Variants in NRXN1 observed in about 807,000 individuals in gnomAD.
The protein encoded by NRXN1 is neurexin-1.
In NRXN1, 39 loss-of-function variants were observed where a neutral mutation model predicts 150.9. The ratio of observed to expected loss-of-function variants is 0.26; its 90% CI spans 0.20 to 0.34. NRXN1 has a LOEUF of 0.34. Ranked by LOEUF, NRXN1 falls within the 10% of genes least tolerant of loss-of-function variation. The pLI, the probability that NRXN1 is intolerant of heterozygous loss-of-function variation, is 1.00. For missense variants in NRXN1, 1,815 were observed against 1,949.9 expected (o/e 0.93, Z 1.30); for synonymous variants, 924 against 757.0 (o/e 1.22, Z -3.62).
intron 8 of NRXN1, among the ~76,000 whole-genome samples, chr2:50,607,046 G>C (rs531584589): frequency 5.1e-4 from 78 of 152,196 alleles, no homozygotes; most frequent in Middle Eastern, 6.8e-3. Flanking sequence ...GCCTAATTTA[G>C]TTTGAATATA....
chr2:50,992,838 G>C (rs1698737655), intron 2 of NRXN1, among the ~76,000 whole-genome samples: 1 of 151,906 alleles, frequency 6.6e-6, no homozygotes, highest in African/African-American at 2.4e-5. Flanking sequence ...ATGGATTATT[G>C]GTAGAGACTG....
chr2:50,682,169 T>C (rs1253421637), intron 5 of NRXN1, among the ~76,000 whole-genome samples: 1 of 152,202 alleles, frequency 6.6e-6, no homozygotes, highest in Admixed American at 6.5e-5. Context: ...TCATCTTCTA[T>C]GTCCTAAAAC....
chr2:50,420,598 T>A (rs372128702), intron 17 of NRXN1, among the ~76,000 whole-genome samples: 55 of 152,136 alleles, frequency 3.6e-4, no homozygotes, highest in East Asian at 2.9e-3. Context: ...CATCATCAAT[T>A]TTGTGTTTAA....
At chr2:50,067,620 A>C (rs2152659356) in intron 19 of NRXN1, among the ~76,000 whole-genome samples, 1 of 152,342 alleles carries the variant, frequency 6.6e-6, no homozygotes, top group South Asian at 2.1e-4. Flanking sequence ...TGCATACTAA[A>C]GAGTTATTTT....
chr2:50,894,356 G>C (rs1334599629), intron 5 of NRXN1, among the ~76,000 whole-genome samples: 1 of 149,194 alleles, frequency 6.7e-6, no homozygotes, highest in African/African-American at 2.4e-5. Flanking sequence ...CTCATTCTCA[G>C]AATAAAATTA....
chr2:50,066,855 T>C (rs868359428), intron 19 of NRXN1, among the ~76,000 whole-genome samples: 3 of 152,222 alleles, frequency 2.0e-5, no homozygotes, highest in South Asian at 2.1e-4. Flanking sequence ...TTATTGATAC[T>C]GCATGTATGC....
intron 8 of NRXN1, among the ~76,000 whole-genome samples, chr2:50,562,311 A>G (rs925405612): frequency 6.8e-6 from 1 of 146,172 alleles, no homozygotes; most frequent in Non-Finnish European, 1.5e-5. Flanking sequence ...TAGATTAGAC[A>G]AATATATGAT....
intron 2 of NRXN1, among the ~76,000 whole-genome samples, chr2:50,939,957 T>C (rs560068106): frequency 4.3e-4 from 66 of 152,244 alleles, no homozygotes; most frequent in Non-Finnish European, 6.2e-4. Flanking sequence ...GAACCACCCA[T>C]TGCATTTAGA....
At chr2:50,182,704 A>G (rs1326230003) in intron 18 of NRXN1, among the ~76,000 whole-genome samples, 2 of 152,098 alleles carry the variant, frequency 1.3e-5, no homozygotes, top group African/African-American at 4.8e-5. Flanking sequence ...AATCATGAAT[A>G]TTATACAGGG....
intron 8 of NRXN1, among the ~76,000 whole-genome samples, chr2:50,571,983 T>C (rs1670735861): frequency 6.6e-6 from 1 of 152,104 alleles, no homozygotes; most frequent in South Asian, 2.1e-4. Context: ...TTTGGCAGGG[T>C]ACTCTATCAG....
intron 19 of NRXN1, among the ~76,000 whole-genome samples, chr2:50,088,297 C>T (rs868714547): frequency 6.6e-6 from 1 of 152,220 alleles, no homozygotes; most frequent in South Asian, 2.1e-4. Context: ...ATTTTCATGG[C>T]TTATTTCCTA....
At chr2:50,644,971 T>A (rs1051336203) in intron 5 of NRXN1, among the ~76,000 whole-genome samples, 2 of 151,520 alleles carry the variant, frequency 1.3e-5, no homozygotes, top group Admixed American at 1.3e-4. Flanking sequence ...ATGTTCTGCT[T>A]CTCTTCAGTT....
intron 5 of NRXN1, among the ~76,000 whole-genome samples, chr2:50,876,312 A>G (rs763605664): frequency 2.0e-5 from 3 of 151,704 alleles, no homozygotes; most frequent in Admixed American, 1.3e-4. Flanking sequence ...CTGTGACACC[A>G]TTATCATGAT....
chr2:50,590,735 G>C (rs928243461), intron 8 of NRXN1, among the ~76,000 whole-genome samples: 9 of 152,148 alleles, frequency 5.9e-5, no homozygotes, highest in Non-Finnish European at 1.3e-4. Context: ...GGACGATCAT[G>C]AATCAGAAAA....
chr2:50,387,888 G>A (rs1432746179), intron 17 of NRXN1, among the ~76,000 whole-genome samples: 2 of 152,146 alleles, frequency 1.3e-5, no homozygotes, highest in African/African-American at 4.8e-5. Flanking sequence ...AACACTCACT[G>A]TGGACAATAA....
intron 19 of NRXN1, among the ~76,000 whole-genome samples, chr2:50,082,542 G>A (rs1235217056): frequency 6.6e-6 from 1 of 152,176 alleles, no homozygotes; most frequent in East Asian, 1.9e-4. Flanking sequence ...GATTTGATGG[G>A]TTGGTTTCTA....
rs1671078002 is a variant in NRXN1, at chr2:51,029,075, A to G, written c.-802T>C. ...GAAGCTGTTAGATGTGGAAATCGCA[A>G]CAGCTCCTCTTCTTTTCTCTCTGCC... On this transcript the variant is annotated 5_prime_UTR_variant, in exon 2 of 23. Transcript: ENST00000401669. 6.6e-6 allele frequency: 1 copy of G among 152,260 alleles called. No homozygotes were observed. The highest frequency in any genetic ancestry group is 2.4e-5 in the African/African-American group (1 of 41,476). The allele number at this position is 152,260 out of a possible 1,614,324, so 9.4% of individuals were successfully genotyped here.
At chr2:50,636,209 C>T (rs1209628076) in intron 5 of NRXN1, among the ~76,000 whole-genome samples, 2 of 152,022 alleles carry the variant, frequency 1.3e-5, no homozygotes, top group African/African-American at 2.4e-5. Flanking sequence ...CAAGTTTGTG[C>T]CTGAGTAACT....
intron 18 of NRXN1, among the ~76,000 whole-genome samples, chr2:50,225,726 G>C (rs2064313232): frequency 6.6e-6 from 1 of 151,886 alleles, no homozygotes. Context: ...TCTTTTTGCT[G>C]ACTCTCATTA....
Sources: allele counts gnomAD v4.1 joint callset (sites outside exome capture counted in the v4.1 genomes callset), GRCh38; gene constraint gnomAD v4.1.1; transcripts MANE v1.5; gene names NCBI Gene and HGNC (gene_info 2026-07-23, HGNC 2026-07-21).